Variants in TANGO6 observed in about 807,000 individuals in gnomAD.
TANGO6 encodes the protein transport and golgi organization 6 homolog.
A neutral mutation model predicts 114.2 loss-of-function variants in TANGO6; 90 were observed. The ratio of observed to expected loss-of-function variants is 0.79; its 90% CI spans 0.66 to 0.94. The LOEUF is 0.94. Ranked by LOEUF, TANGO6 falls within the 40% of genes least tolerant of loss-of-function variation. TANGO6 has a pLI of 0.00. For missense variants in TANGO6, 1,274 were observed against 1,315.3 expected, an observed-to-expected ratio of 0.97 and a Z score of 0.49; for synonymous variants, 477 against 509.8, an observed-to-expected ratio of 0.94 and a Z score of 0.87.
At chr16:68,987,512 G>C (rs1963907381) in intron 15 of TANGO6, among the ~76,000 whole-genome samples, 1 of 152,118 alleles carries the variant, frequency 6.6e-6, no homozygotes, top group South Asian at 2.1e-4. Flanking sequence ...GGGACTACAG[G>C]CATGTGCCAC....
chr16:68,875,196 A>G lies in TANGO6; in HGVS notation c.1037A>G (p.Asp346Gly), dbSNP rs781643911. The change falls in exon 5 of 18, where the codon GAC becomes GGC. Residue 346 changes from aspartate to glycine, a missense_variant. Asp to Gly is a moderately conservative substitution (Grantham distance 94). Around this residue, in one of 5 missense-constraint regions of TANGO6, gnomAD observed 908 missense variants for 910.2 expected, o/e 1.00. Coordinates refer to ENST00000261778, the MANE Select transcript of TANGO6 (RefSeq NM_024562.2). ...GGSDAEVTAA[D>G]WKKCDLIAKI... Reference sequence around the variant, plus strand: ...AGTGATGCTGAGGTGACGGCTGCTGACTGGAAGAAGTGTGACCTGATCGCA... The same window carrying G: ...AGTGATGCTGAGGTGACGGCTGCTGGCTGGAAGAAGTGTGACCTGATCGCA... The G allele has an allele frequency of 6.2e-7, 1 of 1,613,428 alleles. No individual in the cohort carries two copies. The highest frequency in any genetic ancestry group is 8.5e-7 in the Non-Finnish European group (1 of 1,179,542).
At chr16:68,986,325 C>T (rs1036571380) in intron 15 of TANGO6, among the ~76,000 whole-genome samples, 3 of 152,006 alleles carry the variant, frequency 2.0e-5, no homozygotes, top group Admixed American at 6.6e-5. Context: ...TCGTATGCCA[C>T]GGTAAGTAGA....
chr16:68,920,799 G>GT (rs1426555716), intron 12 of TANGO6, among the ~76,000 whole-genome samples: 2 of 151,546 alleles, frequency 1.3e-5, no homozygotes, highest in African/African-American at 4.8e-5. Context: ...TTTCCATATT[G>GT]TTTTAAAAAA....
chr16:69,037,585 G>A (rs1039874245), intron 16 of TANGO6, among the ~76,000 whole-genome samples: 1 of 152,194 alleles, frequency 6.6e-6, no homozygotes, highest in African/African-American at 2.4e-5. Context: ...GAAAGTGGAG[G>A]TAGCTATTAT....
Position 68,863,014 on chromosome 16 carries a change from C to T in TANGO6, c.805C>T (p.Pro269Ser), listed in dbSNP as rs1483653790. 5 of 1,599,126 alleles carry T rather than the reference C, an allele frequency of 3.1e-6. No individual in the cohort carries two copies. Among genetic ancestry groups the T allele is most frequent in the African/African-American group, 1.3e-5 (1 of 74,614 alleles). The change falls in exon 3 of 18, where the codon CCC becomes TCC. Residue 269 changes from proline (P) to serine (S), a missense_variant. Pro to Ser is a moderately conservative substitution (Grantham distance 74). Coordinates refer to ENST00000261778, the MANE Select transcript of TANGO6 (RefSeq NM_024562.2). The part of the protein sequence containing the change: ...LRDMLDQVYQ[P>S]LAVRELLILQ... The stretch of plus-strand genomic sequence containing the variant: ...AGACATGCTGGATCAAGTCTATCAG[C>T]CCTTAGCAGTCCGGGAACTGCTTAT...
intron 1 of TANGO6, among the ~76,000 whole-genome samples, chr16:68,847,442 G>C (rs1961830546): frequency 6.6e-6 from 1 of 152,158 alleles, no homozygotes; most frequent in Non-Finnish European, 1.5e-5. Context: ...TTCATCACCA[G>C]TAGAGGGCAG....
At chr16:68,924,046 G>T (rs1963132966) in intron 12 of TANGO6, among the ~76,000 whole-genome samples, 1 of 152,184 alleles carries the variant, frequency 6.6e-6, no homozygotes, top group African/African-American at 2.4e-5. Flanking sequence ...AATTTCCCTA[G>T]AGTGGAGAGG....
chr16:69,068,839 G>A (rs1266696895), intron 17 of TANGO6, among the ~76,000 whole-genome samples: 5 of 152,040 alleles, frequency 3.3e-5, no homozygotes, highest in African/African-American at 4.8e-5. Context: ...TCAGCCTCCC[G>A]TGTAGCTGGG....
chr16:68,907,370 A>C lies in TANGO6; in HGVS notation c.1668-73A>C, dbSNP rs557266147. ...TTTGGACATAACATGTTACTTTAGA[A>C]GATTGTTATGGGGTTTAAAATTATG... On this transcript the variant is annotated intron_variant, in intron 9 of 17. Coordinates refer to ENST00000261778, the MANE Select transcript of TANGO6 (RefSeq NM_024562.2). The C allele has an allele frequency of 4.2e-6, 6 of 1,436,176 alleles. No homozygotes were observed. The East Asian group carries it at 1.5e-4, about 35-fold the overall frequency. The allele number at this position is 1,436,176 out of a possible 1,614,324, so 89.0% of individuals were successfully genotyped here.
chr16:69,032,370 A>G (rs772645486), intron 16 of TANGO6, among the ~76,000 whole-genome samples: 31 of 151,972 alleles, frequency 2.0e-4, no homozygotes, highest in South Asian at 6.2e-4. Context: ...GGTTCAAGCA[A>G]TTCTCTTGCC....
intron 17 of TANGO6, among the ~76,000 whole-genome samples, chr16:69,050,610 C>G (rs1959934100): frequency 6.6e-6 from 1 of 151,992 alleles, no homozygotes; most frequent in Non-Finnish European, 1.5e-5. Flanking sequence ...CTGCCCCAGC[C>G]TCTTGAGTAG....
intron 14 of TANGO6, among the ~76,000 whole-genome samples, chr16:68,970,893 C>T (rs889991505): frequency 6.6e-6 from 1 of 152,136 alleles, no homozygotes; most frequent in African/African-American, 2.4e-5. Flanking sequence ...CGCAGTGGCT[C>T]ACGCCTGTAA....
chr16:68,918,834 A>AC (rs1178485870), intron 11 of TANGO6, among the ~76,000 whole-genome samples: 1 of 151,816 alleles, frequency 6.6e-6, no homozygotes, highest in African/African-American at 2.4e-5. Context: ...TGGAAGCTAC[A>AC]CCCCCACCCG....
At chr16:69,010,298 C>T (rs1344837007) in intron 15 of TANGO6, among the ~76,000 whole-genome samples, 1 of 152,136 alleles carries the variant, frequency 6.6e-6, no homozygotes, top group Non-Finnish European at 1.5e-5. Context: ...TATCATAAAA[C>T]AAAGACCTCC....
chr16:68,880,695 C>A, intron 7 of TANGO6, 65 bp downstream of exon 7: 1 of 1,295,078 alleles, frequency 7.7e-7, no homozygotes. Flanking sequence ...TAAATTTTTT[C>A]TTTTTTTGTA....
chr16:69,004,367 T>G (rs76658425), intron 15 of TANGO6, among the ~76,000 whole-genome samples: 2 of 151,674 alleles, frequency 1.3e-5, no homozygotes, highest in Admixed American at 6.6e-5. Flanking sequence ...TTTTTTTTTT[T>G]GTTTTTGAGA....
chr16:69,012,345 T>C (rs2152224501), intron 15 of TANGO6, among the ~76,000 whole-genome samples: 1 of 151,638 alleles, frequency 6.6e-6, no homozygotes, highest in East Asian at 1.9e-4. Flanking sequence ...TCACCTGAGG[T>C]TGGGAGTTCG....
intron 15 of TANGO6, among the ~76,000 whole-genome samples, chr16:69,011,255 G>T (rs1964140736): frequency 6.6e-6 from 1 of 152,134 alleles, no homozygotes; most frequent in South Asian, 2.1e-4. Flanking sequence ...AAGAAAAGGG[G>T]GGGCAGGAGG....
chr16:68,935,009 G>A (rs80280370), intron 14 of TANGO6, among the ~76,000 whole-genome samples: 12,098 of 152,276 alleles, frequency 0.079, 542 homozygotes, highest in African/African-American at 0.098. Flanking sequence ...TCCCCAAGAT[G>A]ATGGACAAGT....
Sources: gnomAD v4.1 joint callset for allele counts (sites outside exome capture counted in the v4.1 genomes callset) on GRCh38, gnomAD v4.1.1 for gene constraint, gnomAD v4.1.1 regional missense constraint, MANE v1.5 for transcripts, NCBI Gene and HGNC (gene_info 2026-07-23, HGNC 2026-07-21) for gene names.